Variants in ELOVL2 observed in about 807,000 individuals in gnomAD.
ELOVL2 encodes the protein very long chain fatty acid elongase 2.
ELOVL2 carries 38 observed loss-of-function variants against 37.7 expected under a neutral mutation model. The observed-to-expected ratio is 1.01, with a 90% CI of 0.78 to 1.32. The LOEUF is 1.32. Among genes scored for constraint, ELOVL2 ranks in the 40% most tolerant of loss-of-function variants. The pLI is 0.00. For missense variants in ELOVL2, 352 were observed against 363.6 expected (o/e 0.97, Z 0.26); for synonymous variants, 115 against 122.3 (o/e 0.94, Z 0.40).
intron 2 of ELOVL2, among the ~76,000 whole-genome samples, chr6:11,006,878 G>C (rs1332204080): frequency 6.6e-6 from 1 of 152,186 alleles, no homozygotes; most frequent in Non-Finnish European, 1.5e-5. Context: ...TTAATGCCCA[G>C]ATAAAGGTCC....
At chr6:11,028,593 ATTTT>A (rs111411933) in intron 1 of ELOVL2, among the ~76,000 whole-genome samples, 1 of 149,528 alleles carries the variant, frequency 6.7e-6, no homozygotes, top group Non-Finnish European at 1.5e-5. Context: ...TTTTTATGGT[ATTTT>A]TTTTTTCACT....
At chr6:11,005,711 G>A (rs925207636) in intron 2 of ELOVL2, 152 bp from the exon 3 acceptor site, 2 of 627,826 alleles carry the variant, frequency 3.2e-6, no homozygotes, top group Admixed American at 6.3e-5. Flanking sequence ...AGAGTTCAGG[G>A]GAAGAGGAAG....
At chr6:11,034,635 A>G (rs1403423176) in intron 1 of ELOVL2, among the ~76,000 whole-genome samples, 1 of 151,904 alleles carries the variant, frequency 6.6e-6, no homozygotes, top group Non-Finnish European at 1.5e-5. Flanking sequence ...GTGAGCTGAG[A>G]TTGCGCCACT....
intron 7 of ELOVL2, among the ~76,000 whole-genome samples, chr6:10,986,095 A>T (rs1162852972): frequency 6.6e-6 from 1 of 152,136 alleles, no homozygotes; most frequent in Admixed American, 6.5e-5. Context: ...TAGGTATCTT[A>T]TTCTCTTTGA....
Position 10,982,058 on chromosome 6 carries a change from G to A in ELOVL2, c.*1723C>T, listed in dbSNP as rs1781944406. 1.3e-5 allele frequency: 2 copies of A among 152,204 alleles called. No homozygotes were observed. The highest frequency in any genetic ancestry group is 2.9e-5 in the Non-Finnish European group (2 of 68,040). The allele number at this position is 152,204 out of a possible 1,614,324, so 9.4% of individuals were successfully genotyped here. A position where few individuals can be genotyped will look rare whatever the true frequency, so the allele number is the denominator to read the frequency against. ...CTAGAGCAAGTCAGCTTCAGAAAAT[G>A]ATTTAGAAAGATAAATGTAAGAGTC... On this transcript the variant is annotated 3_prime_UTR_variant, in exon 8 of 8. Transcript: ENST00000354666.
chr6:10,980,978 A>G lies in ELOVL2; in HGVS notation c.*2803T>C, dbSNP rs1045068649. ...ATATGGAAATATTGGAAAGAACTCAAATGGACTCCTAGATACAAAAGGCTG... is the reference window on the plus strand; with the variant it reads ...ATATGGAAATATTGGAAAGAACTCAGATGGACTCCTAGATACAAAAGGCTG... On this transcript the variant is annotated 3_prime_UTR_variant, in exon 8 of 8. Transcript: ENST00000354666. 4 of 152,488 alleles carry G rather than the reference A, an allele frequency of 2.6e-5. No individual in the cohort carries two copies. Among genetic ancestry groups the G allele is most frequent in the Non-Finnish European group, 4.4e-5 (3 of 68,044 alleles). The allele number at this position is 152,488 out of a possible 1,614,324, so 9.4% of individuals were successfully genotyped here.
At chr6:10,996,902 C>T (rs928951400) in intron 4 of ELOVL2, among the ~76,000 whole-genome samples, 3 of 151,830 alleles carry the variant, frequency 2.0e-5, no homozygotes, top group Admixed American at 6.6e-5. Context: ...CCTAGCTAAT[C>T]GGGAGGCTGA....
chr6:10,997,894 A>C (rs1000279654), intron 4 of ELOVL2, among the ~76,000 whole-genome samples: 3 of 152,130 alleles, frequency 2.0e-5, no homozygotes, highest in Non-Finnish European at 4.4e-5. Context: ...TTGCTGTCAG[A>C]TCCATGATAT....
At chr6:11,033,055 G>T (rs1248615400) in intron 1 of ELOVL2, among the ~76,000 whole-genome samples, 2 of 151,884 alleles carry the variant, frequency 1.3e-5, no homozygotes, top group East Asian at 3.9e-4. Context: ...CCTTTTCTTC[G>T]ACCAGTCCCT....
chr6:11,012,625 C>A (rs1782603291), intron 1 of ELOVL2, among the ~76,000 whole-genome samples: 2 of 152,040 alleles, frequency 1.3e-5, no homozygotes, highest in Admixed American at 1.3e-4. Context: ...TCACAAAGCC[C>A]GTATTATTTC....
chr6:11,008,010 T>C (rs567244078), intron 2 of ELOVL2, among the ~76,000 whole-genome samples: 9 of 152,266 alleles, frequency 5.9e-5, no homozygotes, highest in South Asian at 2.1e-4. Context: ...ACTTGAGAAG[T>C]GTTAGCTCTT....
Position 11,044,259 on chromosome 6 carries a change from C to A in ELOVL2, c.-29G>T. On this transcript the variant is annotated 5_prime_UTR_variant, in exon 1 of 8. Transcript: ENST00000354666. The surrounding 1 kb of genome is among the most constrained non-coding windows in gnomAD (Gnocchi z 5.6). The stretch of plus-strand genomic sequence containing the variant: ...CCGCAGCGGCTGTGGCGCGGCGACC[C>A]GGGCGGGCGGCGATGCGCTGTCCAG... 2 of 1,328,146 alleles carry A rather than the reference C, an allele frequency of 1.5e-6. No homozygotes were observed. Among genetic ancestry groups the A allele is most frequent in the East Asian group, 3.1e-5 (1 of 32,468 alleles). The allele number at this position is 1,328,146 out of a possible 1,614,324, so 82.3% of individuals were successfully genotyped here.
chr6:11,011,113 G>A (rs965977984), intron 1 of ELOVL2, among the ~76,000 whole-genome samples: 1 of 152,004 alleles, frequency 6.6e-6, no homozygotes, highest in Non-Finnish European at 1.5e-5. Flanking sequence ...ACCTGTAATC[G>A]CAGCACTTTG....
At chr6:10,998,875 CAAAT>C (rs903742236) in intron 4 of ELOVL2, among the ~76,000 whole-genome samples, 32 of 152,256 alleles carry the variant, frequency 2.1e-4, no homozygotes, top group South Asian at 6.2e-4. Flanking sequence ...TTTTTAAAAA[CAAAT>C]AAAGTTAATT....
intron 5 of ELOVL2, among the ~76,000 whole-genome samples, chr6:10,992,795 C>A (rs57438126): frequency 0.19 from 22,268 of 114,970 alleles, 2,343 homozygotes; most frequent in East Asian, 0.62. Context: ...TCAAAAAAAA[C>A]AAAACAAAAA....
At chr6:11,021,003 TGTTAC>T (rs1357019297) in intron 1 of ELOVL2, among the ~76,000 whole-genome samples, 2 of 152,236 alleles carry the variant, frequency 1.3e-5, no homozygotes, top group African/African-American at 4.8e-5. Flanking sequence ...TCCAGCTGTA[TGTTAC>T]AAGAGGAACT....
intron 4 of ELOVL2, among the ~76,000 whole-genome samples, chr6:10,995,854 CATT>C: frequency 6.6e-6 from 1 of 152,260 alleles, no homozygotes; most frequent in East Asian, 1.9e-4. Context: ...AACAGGAGGT[CATT>C]ATTATTTGTT....
intron 1 of ELOVL2, among the ~76,000 whole-genome samples, chr6:11,023,114 AACT>A (rs1198249612): frequency 6.6e-6 from 1 of 152,264 alleles, no homozygotes; most frequent in African/African-American, 2.4e-5. Flanking sequence ...TGATTATTAC[AACT>A]ACTTCTTCCA....
At chr6:11,026,943 T>G (rs1385181449) in intron 1 of ELOVL2, among the ~76,000 whole-genome samples, 1 of 152,224 alleles carries the variant, frequency 6.6e-6, no homozygotes, top group Non-Finnish European at 1.5e-5. Context: ...TGTGGAATGG[T>G]GAAATCAAGC....
Sources: allele counts gnomAD v4.1 joint callset (sites outside exome capture counted in the v4.1 genomes callset), GRCh38; gene constraint gnomAD v4.1.1; non-coding constraint Gnocchi (gnomAD v3.1); transcripts MANE v1.5; gene names NCBI Gene and HGNC (gene_info 2026-07-23, HGNC 2026-07-21).